RMC1: variants seen among roughly 807,000 people sequenced by gnomAD.
RMC1 encodes the protein regulator of MON1-CCZ1.
In RMC1, 44 loss-of-function variants were observed where a neutral mutation model predicts 95.5. That is an observed-to-expected ratio of 0.46 (90% CI 0.36 to 0.59). The LOEUF (loss-of-function observed/expected upper bound fraction) is 0.59, where lower values mean the gene tolerates loss of function less well. Among genes scored for constraint, RMC1 ranks in the 20% least tolerant of loss-of-function variants. RMC1 has a pLI of 0.00. For missense variants in RMC1, 705 were observed against 819.6 expected (o/e 0.86, Z 1.71); for synonymous variants, 320 against 303.6 (o/e 1.05, Z -0.56).
At chr18:23,521,761 A>G (rs1277752060) in intron 10 of RMC1, among the ~76,000 whole-genome samples, 1 of 151,906 alleles carries the variant, frequency 6.6e-6, no homozygotes, top group Non-Finnish European at 1.5e-5. Flanking sequence ...GTTCAAGATC[A>G]AGATGTCTGC....
chr18:23,519,079 T>G lies in RMC1; in HGVS notation c.754T>G (p.Cys252Gly). 2.5e-6 allele frequency: 4 copies of G among 1,614,170 alleles called. No individual in the cohort carries two copies. The highest frequency in any genetic ancestry group is 3.4e-6 in the Non-Finnish European group (4 of 1,180,002). Residue 252 changes from cysteine to glycine, a missense_variant, in exon 9 of 20, where the codon TGT becomes GGT. Transcript: ENST00000269221. Reference protein sequence around the residue: ...VLYHLPREGACKKMHILKLNR... With the variant: ...VLYHLPREGAGKKMHILKLNR... ...CTTTCTATCCTACAGAGAAGGTGCC[T>G]GTAAAAAGATGCACATATTGAAGTT...
chr18:23,520,629 T>C (rs773366799), intron 10 of RMC1, among the ~76,000 whole-genome samples: 8 of 151,314 alleles, frequency 5.3e-5, no homozygotes, highest in Non-Finnish European at 5.9e-5. Context: ...CCAGCTAATT[T>C]TTATATTTTT....
At chr18:23,514,269 A>G (rs1235311731) in intron 5 of RMC1, among the ~76,000 whole-genome samples, 2 of 152,334 alleles carry the variant, frequency 1.3e-5, no homozygotes, top group Non-Finnish European at 1.5e-5. Context: ...TAATCCTAGC[A>G]CTTTGGGAGG....
At chr18:23,503,473 G>A, upstream of RMC1, 2 of 391,502 alleles carry the variant, frequency 5.1e-6, no homozygotes, top group Non-Finnish European at 8.6e-6. Context: ...GGGCGGGGTG[G>A]GGGCGTGGCA....
rs776428067 is a variant in RMC1, at chr18:23,526,673, T to C, written c.1097T>C (p.Ile366Thr). The C allele has an allele frequency of 2.9e-5, 47 of 1,614,018 alleles. No individual in the cohort carries two copies. Among genetic ancestry groups the C allele is most frequent in the Non-Finnish European group, 3.9e-5 (46 of 1,180,012 alleles). Residue 366 changes from isoleucine to threonine, a missense_variant, in exon 13 of 20, where the codon ATA becomes ACA. By Grantham distance (89) the Ile-to-Thr change is moderately conservative. Transcript: ENST00000269221. ...AACCTCCAAGTGAAACTTGAGCCCA[T>C]AGTAAATCTCTTACCAGACAAAGGA... ...LWNLQVKLEP[I>T]VNLLPDKGRL... is the part of the protein sequence containing the mutation.
intron 13 of RMC1, among the ~76,000 whole-genome samples, 200 bp from the exon 14 acceptor site, chr18:23,527,589 CTTTTTT>C (rs71163615): frequency 3.7e-5 from 4 of 108,358 alleles, no homozygotes; most frequent in African/African-American, 1.4e-4. Flanking sequence ...CCTGCTATAG[CTTTTTT>C]TTTTTTTTTT....
intron 9 of RMC1, among the ~76,000 whole-genome samples, chr18:23,519,734 C>T (rs753698166): frequency 5.9e-5 from 9 of 152,162 alleles, no homozygotes; most frequent in Admixed American, 1.3e-4. Flanking sequence ...CTCCATTCCA[C>T]GAGTACTTGA....
Position 23,507,066 on chromosome 18 carries a change from C to T in RMC1, c.264+12C>T. On this transcript the variant is annotated intron_variant, in intron 3 of 19. Transcript: ENST00000269221. Reference sequence around the variant, plus strand: ...CCTCAAAGACTGTGGTAAGACTTATCTTTAAAATACAGCATTAAAGGGCAT... The same window carrying T: ...CCTCAAAGACTGTGGTAAGACTTATTTTTAAAATACAGCATTAAAGGGCAT... The T allele has an allele frequency of 6.5e-7, 1 of 1,541,966 alleles. No homozygotes were observed.
At chr18:23,510,502 G>C (rs2057824888) in intron 5 of RMC1, among the ~76,000 whole-genome samples, 1 of 151,988 alleles carries the variant, frequency 6.6e-6, no homozygotes, top group South Asian at 2.1e-4. Flanking sequence ...ACAAAAATTA[G>C]CCAGGTTGGT....
At chr18:23,524,514 A>G (rs76115546) in intron 12 of RMC1, 32 bp downstream of exon 12, 3 of 1,609,270 alleles carry the variant, frequency 1.9e-6, no homozygotes. Context: ...TCGTGTTACA[A>G]CATGGTGCTT....
intron 1 of RMC1, among the ~76,000 whole-genome samples, chr18:23,503,984 C>T (rs1456646358): frequency 6.6e-6 from 1 of 152,194 alleles, no homozygotes; most frequent in African/African-American, 2.4e-5. Context: ...TTGGCGCGCC[C>T]GTCTTATCTA....
At chr18:23,523,543 CAAAAAAAAA>C (rs374224848) in intron 10 of RMC1, among the ~76,000 whole-genome samples, 1 of 76,408 alleles carries the variant, frequency 1.3e-5, no homozygotes, top group African/African-American at 5.7e-5. Context: ...CTTGTCTTCA[CAAAAAAAAA>C]AAAAAAAAAA....
rs752690577 is a variant in RMC1, at chr18:23,516,397, C to A, written c.627C>A (p.Ser209=). ...CTAAGTCAACTAAACCCAGCCTTTC[C>A]GAAAGAGACATCGCAATGGCTACCA... ...AAPKSTKPSL[S]ERDIAMATIY... The change falls in exon 7 of 20, where the codon TCC becomes TCA. Residue 209 remains serine (S), a synonymous_variant. Transcript: ENST00000269221. 5 of 1,614,182 alleles carry A rather than the reference C, an allele frequency of 3.1e-6. No individual in the cohort carries two copies. The South Asian group carries it at 5.5e-5, about 18-fold the overall frequency.
Position 23,508,029 on chromosome 18 carries a change from A to G in RMC1, c.309A>G (p.Thr103=). 1 of 1,610,976 alleles carries G rather than the reference A, an allele frequency of 6.2e-7. No homozygotes were observed. Among genetic ancestry groups the G allele is most frequent in the Middle Eastern group, 1.7e-4 (1 of 6,014 alleles). Residue 103 remains threonine (T), a synonymous_variant, in exon 4 of 20, where the codon ACA becomes ACG. Transcript: ENST00000269221. The part of the protein sequence containing the change: ...FIPDNSQLEY[T]QECKTKNANI... The stretch of plus-strand genomic sequence containing the variant: ...CTGATAATTCCCAGCTGGAATACAC[A>G]CAGGAGTGCAAGGTATGACCCCAGG...
upstream of RMC1, chr18:23,503,489 A>G (rs538083098): frequency 3.5e-5 from 16 of 457,656 alleles, no homozygotes; most frequent in East Asian, 6.1e-4. Context: ...TGGCACCAGG[A>G]AGCGGCGTCC....
intron 2 of RMC1, among the ~76,000 whole-genome samples, chr18:23,504,938 T>C (rs1188927095): frequency 6.6e-6 from 1 of 152,326 alleles, no homozygotes; most frequent in African/African-American, 2.4e-5. Context: ...CAGAAGTGTC[T>C]CGATTTGGAT....
intron 16 of RMC1, 98 bp from the exon 17 acceptor site, chr18:23,529,930 T>TA (rs1311374815): frequency 1.1e-5 from 13 of 1,211,116 alleles, no homozygotes; most frequent in Non-Finnish European, 1.6e-5. Flanking sequence ...GACAGACTTT[T>TA]ACTGTGTTGG....
intron 7 of RMC1, among the ~76,000 whole-genome samples, chr18:23,517,459 T>C (rs1598873474): frequency 6.6e-6 from 1 of 152,180 alleles, no homozygotes; most frequent in South Asian, 2.1e-4. Flanking sequence ...TACGGAGGTA[T>C]ATTTTCATTT....
intron 4 of RMC1, 50 bp downstream of exon 4, chr18:23,508,091 G>GCT: frequency 6.5e-7 from 1 of 1,541,434 alleles, no homozygotes; most frequent in Non-Finnish European, 8.8e-7. Context: ...GTGTTGAGCT[G>GCT]GGTTATGTAG....
Sources: gnomAD v4.1 joint callset for allele counts (sites outside exome capture counted in the v4.1 genomes callset) on GRCh38, gnomAD v4.1.1 for gene constraint, MANE v1.5 for transcripts, NCBI Gene and HGNC (gene_info 2026-07-23, HGNC 2026-07-21) for gene names.